Variants in DMD observed in about 807,000 individuals in gnomAD.
The protein encoded by DMD is dystrophin, also known as mutant dystrophin.
DMD carries 63 observed loss-of-function variants against 330.1 expected under a neutral mutation model. The ratio of observed to expected loss-of-function variants is 0.19; its 90% CI spans 0.16 to 0.24. The LOEUF (loss-of-function observed/expected upper bound fraction) is 0.24, where lower values mean the gene tolerates loss of function less well. Among genes scored for constraint, DMD ranks in the 10% least tolerant of loss-of-function variants. The probability of loss-of-function intolerance (pLI) is 1.00; values close to 1 mark genes in which losing one functional copy is unlikely to be tolerated. For missense variants in DMD, 3,344 were observed against 2,684.1 expected (o/e 1.25, Z -5.43); for synonymous variants, 1,223 against 959.8 (o/e 1.27, Z -5.07).
At chrX:31,148,862 G>A (rs1477829468) in intron 74 of DMD, among the ~76,000 whole-genome samples, 1 of 111,699 alleles carries the variant, frequency 9.0e-6, no homozygotes, top group African/African-American at 3.3e-5. Context: ...CTGCTGGATT[G>A]TCTTTTTCTT....
chrX:32,454,728 C>A lies in DMD; in HGVS notation c.3537G>T (p.Glu1179Asp), dbSNP rs1603633863. The change falls in exon 26 of 79, where the codon GAG becomes GAT. Residue 1179 changes from glutamate (E) to aspartate (D), a missense_variant. Physicochemically the swap from Glu to Asp is conservative, Grantham distance 45. Transcript: ENST00000357033. ...MHEWMTQAEE[E>D]YLERDFEYKT... is the part of the protein sequence containing the mutation. The stretch of plus-strand genomic sequence containing the variant: ...TATATTCAAAATCTCTCTCAAGATA[C>A]TCTTCTTCAGCTTGTGTCATCCATT... The A allele has an allele frequency of 8.3e-7, 1 of 1,202,554 alleles. No homozygotes were observed. Among genetic ancestry groups the A allele is most frequent in the Admixed American group, 2.2e-5 (1 of 45,386 alleles).
chrX:32,768,185 A>G (rs898175805), intron 7 of DMD, among the ~76,000 whole-genome samples: 8 of 112,120 alleles, frequency 7.1e-5, no homozygotes, highest in Non-Finnish European at 1.5e-4. Flanking sequence ...TGAATATGCT[A>G]TCTTGCAAAC....
chrX:32,992,881 G>A (rs2093013552), intron 2 of DMD, among the ~76,000 whole-genome samples: 1 of 99,162 alleles, frequency 1.0e-5, no homozygotes, highest in South Asian at 4.8e-4. Flanking sequence ...ACTCCAGCCT[G>A]GGCAACAAAA....
At chrX:32,363,043 G>A (rs960367731) in intron 36 of DMD, 85 bp from the exon 37 acceptor site, 1 of 896,598 alleles carries the variant, frequency 1.1e-6, no homozygotes, top group South Asian at 2.1e-5. Context: ...CAGAGCGAGT[G>A]AGCAAGTGAG....
intron 55 of DMD, among the ~76,000 whole-genome samples, chrX:31,511,307 TCA>T (rs2071534008): frequency 1.1e-5 from 1 of 89,732 alleles, no homozygotes; most frequent in Non-Finnish European, 2.2e-5. Context: ...TCTAAACTCA[TCA>T]TTTTTTATTT....
chrX:31,818,239 T>C (rs1352545096), intron 50 of DMD, among the ~76,000 whole-genome samples: 1 of 112,362 alleles, frequency 8.9e-6, no homozygotes. Context: ...TGTCTTTCTC[T>C]TTCAATTACA....
At chrX:32,903,342 G>A (rs1175645376) in intron 2 of DMD, among the ~76,000 whole-genome samples, 1 of 109,787 alleles carries the variant, frequency 9.1e-6, no homozygotes, top group East Asian at 2.9e-4. Flanking sequence ...ATGTAGGTAG[G>A]GTGGGGAAAA....
chrX:32,628,586 T>C (rs192596953), intron 11 of DMD, among the ~76,000 whole-genome samples: 36 of 110,498 alleles, frequency 3.3e-4, no homozygotes, highest in African/African-American at 1.2e-3. Flanking sequence ...CTCCTTCTTT[T>C]CTAGCTCTTT....
intron 9 of DMD, among the ~76,000 whole-genome samples, chrX:32,673,821 T>C (rs1282503059): frequency 3.6e-5 from 4 of 112,146 alleles, no homozygotes; most frequent in Middle Eastern, 4.7e-3. Flanking sequence ...CTTAAAGATG[T>C]CAAAAGAGGT....
intron 7 of DMD, among the ~76,000 whole-genome samples, chrX:32,776,460 T>G (rs893425447): frequency 9.0e-6 from 1 of 111,086 alleles, no homozygotes; most frequent in East Asian, 2.8e-4. Context: ...AGAGGATTAA[T>G]AGACTCACAG....
intron 52 of DMD, among the ~76,000 whole-genome samples, chrX:31,702,320 T>C (rs1471853825): frequency 8.9e-6 from 1 of 112,084 alleles, no homozygotes; most frequent in Admixed American, 9.5e-5. Context: ...GAATTGTCTC[T>C]TGAACTCTGT....
chrX:32,063,931 G>A (rs1308373993), intron 44 of DMD, among the ~76,000 whole-genome samples: 1 of 111,029 alleles, frequency 9.0e-6, no homozygotes, highest in African/African-American at 3.3e-5. Flanking sequence ...ATATTCTTGA[G>A]TTTACATTTT....
chrX:33,308,876 G>A (rs770474528), intron 1 of DMD, among the ~76,000 whole-genome samples: 40 of 111,479 alleles, frequency 3.6e-4, no homozygotes, highest in African/African-American at 8.8e-4. Context: ...GATGCCAGCC[G>A]CCACAGACCA....
At chrX:32,252,334 T>C (rs1333212469) in intron 43 of DMD, among the ~76,000 whole-genome samples, 1 of 109,791 alleles carries the variant, frequency 9.1e-6, no homozygotes, top group Non-Finnish European at 1.9e-5. Context: ...TTAGAATATC[T>C]CATAGCTCCT....
chrX:31,687,061 C>T (rs1178970452), intron 52 of DMD, among the ~76,000 whole-genome samples: 5 of 111,062 alleles, frequency 4.5e-5, no homozygotes, highest in African/African-American at 1.6e-4. Flanking sequence ...CTAGACACAC[C>T]CTGGGCCAAA....
At chrX:32,151,457 C>T (rs183666226) in intron 44 of DMD, 6 of 111,753 alleles carry the variant, frequency 5.4e-5, no homozygotes, top group African/African-American at 1.9e-4. Context: ...TGACAATCAT[C>T]AAGGGAGTTT....
chrX:32,670,251 C>A (rs1212730931), intron 9 of DMD, among the ~76,000 whole-genome samples: 3 of 111,692 alleles, frequency 2.7e-5, no homozygotes, highest in African/African-American at 9.8e-5. Flanking sequence ...CAAGTAACAC[C>A]CAGTAATTAA....
At chrX:32,916,035 A>G (rs141841552) in intron 2 of DMD, among the ~76,000 whole-genome samples, 2,021 of 111,711 alleles carry the variant, frequency 0.018, 39 homozygotes, top group African/African-American at 0.062. Flanking sequence ...TAATGTCAAT[A>G]ATAAAATCAT....
intron 7 of DMD, among the ~76,000 whole-genome samples, chrX:32,709,450 A>G (rs1184817472): frequency 8.9e-6 from 1 of 111,900 alleles, no homozygotes; most frequent in Non-Finnish European, 1.9e-5. Context: ...AATAGTGAAT[A>G]GAATTTGATG....
Sources: allele counts gnomAD v4.1 joint callset (sites outside exome capture counted in the v4.1 genomes callset), GRCh38; gene constraint gnomAD v4.1.1; transcripts MANE v1.5; gene names NCBI Gene and HGNC (gene_info 2026-07-23, HGNC 2026-07-21).